Variants in SPMIP7 observed in about 807,000 individuals in gnomAD.
The protein encoded by SPMIP7 is sperm microtubule inner protein 7, also known as protein SPMIP7.
chr7:50,141,414 C>T, the SPMIP7 span: 1 of 1,342,668 alleles, frequency 7.4e-7, no homozygotes, highest in Non-Finnish European at 1.0e-6. Context: ...GATTATTTCA[C>T]TTGTTTTATT....
the SPMIP7 span, among the ~76,000 whole-genome samples, chr7:50,119,206 C>A: frequency 2.0e-5 from 3 of 152,088 alleles, no homozygotes; most frequent in African/African-American, 7.2e-5. Flanking sequence ...AAGGCTTAAA[C>A]CTTGGGTTCA....
chr7:50,096,216 T>C, the SPMIP7 span: 1 of 1,551,790 alleles, frequency 6.4e-7, no homozygotes, highest in Admixed American at 2.0e-5. Context: ...ATGCCTTTTG[T>C]GAAAGGTCTT....
At chr7:50,125,203 TAC>T in the SPMIP7 span, among the ~76,000 whole-genome samples, 4 of 26,372 alleles carry the variant, frequency 1.5e-4, no homozygotes, top group South Asian at 8.8e-4. Context: ...CACATATATA[TAC>T]ACATATATAT....
the SPMIP7 span, among the ~76,000 whole-genome samples, chr7:50,133,644 G>A: frequency 2.0e-5 from 3 of 152,252 alleles, no homozygotes; most frequent in South Asian, 2.1e-4. Flanking sequence ...CCTAAAGCTG[G>A]AATCAAGGTG....
At chr7:50,137,486 C>T in the SPMIP7 span, among the ~76,000 whole-genome samples, 2 of 152,098 alleles carry the variant, frequency 1.3e-5, no homozygotes, top group African/African-American at 4.8e-5. Flanking sequence ...CATACCTTCA[C>T]ATACCTAAGT....
the SPMIP7 span, chr7:50,096,407 T>A: frequency 6.4e-7 from 1 of 1,551,880 alleles, no homozygotes; most frequent in Admixed American, 2.0e-5. Context: ...TGATTCCTGT[T>A]CAGGGTTTAT....
the SPMIP7 span, among the ~76,000 whole-genome samples, chr7:50,110,799 T>C: frequency 3.7e-4 from 49 of 132,718 alleles, no homozygotes; most frequent in South Asian, 0.011. Context: ...TAATATGATA[T>C]CTAACATATA....
the SPMIP7 span, among the ~76,000 whole-genome samples, chr7:50,105,385 A>T: frequency 5.3e-5 from 8 of 152,176 alleles, no homozygotes; most frequent in African/African-American, 1.9e-4. Context: ...GTAAAGAATC[A>T]ATTTTCATTT....
chr7:50,143,128 C>T, the SPMIP7 span, among the ~76,000 whole-genome samples: 1 of 149,238 alleles, frequency 6.7e-6, no homozygotes, highest in East Asian at 2.0e-4. Flanking sequence ...CTGGGAAACA[C>T]TGCTATACCC....
At chr7:50,115,623 A>T in the SPMIP7 span, among the ~76,000 whole-genome samples, 2 of 152,200 alleles carry the variant, frequency 1.3e-5, no homozygotes, top group Non-Finnish European at 2.9e-5. Flanking sequence ...GGTAAAAAAT[A>T]AAAACATATG....
the SPMIP7 span, among the ~76,000 whole-genome samples, chr7:50,145,909 G>A: frequency 2.4e-4 from 37 of 151,692 alleles, no homozygotes; most frequent in East Asian, 6.6e-3. Flanking sequence ...ACGTTACAAG[G>A]TTTCATATTT....
the SPMIP7 span, among the ~76,000 whole-genome samples, chr7:50,137,659 TCAC>T: frequency 6.6e-6 from 1 of 152,102 alleles, no homozygotes; most frequent in African/African-American, 2.4e-5. Flanking sequence ...TTACTGCACA[TCAC>T]AGCCAGTGTT....
the SPMIP7 span, chr7:50,151,680 G>A: frequency 5.8e-6 from 4 of 686,968 alleles, no homozygotes; most frequent in East Asian, 2.9e-5. Flanking sequence ...TTAAAAATGT[G>A]GCATCAAGTC....
At chr7:50,155,816 G>T in the SPMIP7 span, among the ~76,000 whole-genome samples, 1 of 152,284 alleles carries the variant, frequency 6.6e-6, no homozygotes, top group Admixed American at 6.5e-5. Context: ...TACACACATG[G>T]CTGTCATCCA....
chr7:50,098,694 A>AGAGAGG, the SPMIP7 span, among the ~76,000 whole-genome samples: 1 of 152,212 alleles, frequency 6.6e-6, no homozygotes, highest in East Asian at 1.9e-4. Context: ...AGAGAGAGAG[A>AGAGAGG]GAGCTCTAGT....
the SPMIP7 span, among the ~76,000 whole-genome samples, chr7:50,128,883 C>A: frequency 6.6e-6 from 1 of 151,884 alleles, no homozygotes; most frequent in African/African-American, 2.4e-5. Context: ...CTCTCCTAAA[C>A]AAATTACATT....
At chr7:50,135,594 ATC>A in the SPMIP7 span, among the ~76,000 whole-genome samples, 2 of 152,226 alleles carry the variant, frequency 1.3e-5, no homozygotes, top group Admixed American at 1.3e-4. Context: ...ATTTTAAAGG[ATC>A]TCTAAACTAC....
the SPMIP7 span, among the ~76,000 whole-genome samples, chr7:50,109,693 G>A: frequency 6.6e-6 from 1 of 152,006 alleles, no homozygotes; most frequent in Non-Finnish European, 1.5e-5. Flanking sequence ...TTTAAAATAA[G>A]GTAATTGTTT....
the SPMIP7 span, among the ~76,000 whole-genome samples, chr7:50,133,871 T>G: frequency 6.6e-6 from 1 of 152,078 alleles, no homozygotes; most frequent in African/African-American, 2.4e-5. Context: ...TTAGGGACCT[T>G]TACTACATGT....
Sources: allele counts gnomAD v4.1 joint callset (sites outside exome capture counted in the v4.1 genomes callset), GRCh38; gene constraint gnomAD v4.1.1; transcripts MANE v1.5; gene names NCBI Gene and HGNC (gene_info 2026-07-23, HGNC 2026-07-21).